The following SLC6A11 variants were observed in gnomAD, a reference collection of about 807,000 sequenced individuals.
The protein encoded by SLC6A11 is solute carrier family 6 member 11.
A neutral mutation model predicts 74.8 loss-of-function variants in SLC6A11; 25 were observed. The ratio of observed to expected loss-of-function variants is 0.33; its 90% CI spans 0.24 to 0.47. The LOEUF is 0.47. Among genes scored for constraint, SLC6A11 ranks in the 20% least tolerant of loss-of-function variants. The pLI is 1.00. For missense variants in SLC6A11, 574 were observed against 837.0 expected, an observed-to-expected ratio of 0.69 and a Z score of 3.88; for synonymous variants, 330 against 330.2, an observed-to-expected ratio of 1.00 and a Z score of 0.01.
intron 6 of SLC6A11, among the ~76,000 whole-genome samples, chr3:10,878,042 C>T (rs1290424087): frequency 6.6e-6 from 1 of 152,202 alleles, no homozygotes; most frequent in Non-Finnish European, 1.5e-5. Flanking sequence ...AACTGGTCAT[C>T]CAGAAATGGC....
chr3:10,938,554 G>A lies in SLC6A11; in HGVS notation c.*152G>A, dbSNP rs1695786200. 5.8e-6 allele frequency: 4 copies of A among 686,034 alleles called. No homozygotes were observed. Among genetic ancestry groups the A allele is most frequent in the South Asian group, 2.8e-5 (1 of 36,134 alleles). 42.5% of individuals were successfully genotyped at this position (686,034 alleles called of 1,614,324 possible). ...AATTTTAAGGTGGCCACTGTACACT[G>A]CTCTAAAGTCATATCCCCTCCCCGC... On this transcript the variant is annotated 3_prime_UTR_variant, in exon 14 of 14. Transcript: ENST00000254488.
chr3:10,855,651 A>C (rs971872275), intron 5 of SLC6A11, among the ~76,000 whole-genome samples: 1 of 152,078 alleles, frequency 6.6e-6, no homozygotes, highest in South Asian at 2.1e-4. Flanking sequence ...GCAGGTATCA[A>C]CTCTAAACAA....
intron 6 of SLC6A11, among the ~76,000 whole-genome samples, chr3:10,887,960 G>T (rs1695064649): frequency 6.6e-6 from 1 of 152,238 alleles, no homozygotes; most frequent in African/African-American, 2.4e-5. Flanking sequence ...CAAAGCCAGA[G>T]AGTTCAGATT....
At chr3:10,904,225 G>A (rs1695275561) in intron 6 of SLC6A11, among the ~76,000 whole-genome samples, 1 of 152,230 alleles carries the variant, frequency 6.6e-6, no homozygotes, top group Non-Finnish European at 1.5e-5. Context: ...CCCAGCAAAT[G>A]TCATCAAGGA....
intron 5 of SLC6A11, among the ~76,000 whole-genome samples, chr3:10,866,520 A>T (rs1025109297): frequency 6.6e-6 from 1 of 152,138 alleles, no homozygotes; most frequent in Non-Finnish European, 1.5e-5. Context: ...CAGCCCAGGG[A>T]TAGTGCCCTG....
intron 6 of SLC6A11, among the ~76,000 whole-genome samples, chr3:10,878,294 G>A (rs1407404360): frequency 7.3e-6 from 1 of 137,630 alleles, no homozygotes; most frequent in Non-Finnish European, 1.7e-5. Flanking sequence ...CAGTAGACAT[G>A]GCCTTTCTAC....
chr3:10,930,943 T>G (rs989477756), intron 10 of SLC6A11, among the ~76,000 whole-genome samples: 1 of 152,196 alleles, frequency 6.6e-6, no homozygotes, highest in African/African-American at 2.4e-5. Context: ...GAGGACTATC[T>G]GTCATCAGTT....
Position 10,847,628 on chromosome 3 carries a change from A to G in SLC6A11, c.756+3282A>G, listed in dbSNP as rs753366221. 3.3e-5 allele frequency among the ~76,000 whole-genome samples: 5 copies of G among 152,314 alleles called. No homozygotes were observed. In the South Asian group the frequency reaches 6.2e-4, roughly 19 times the overall value. On this transcript the variant is annotated intron_variant, in intron 5 of 13. Transcript: ENST00000254488. ...TCACATAATGAATAAATGTCAGGCC[A>G]GGAGTGAGAGCCTGGTCCCCAGTTT...
intron 7 of SLC6A11, among the ~76,000 whole-genome samples, chr3:10,917,104 A>G (rs1014777861): frequency 4.6e-5 from 7 of 152,188 alleles, no homozygotes. Context: ...TTTCAAGCAC[A>G]ATAAGGAATT....
intron 4 of SLC6A11, among the ~76,000 whole-genome samples, chr3:10,843,050 T>G (rs950249510): frequency 6.6e-6 from 1 of 151,738 alleles, no homozygotes; most frequent in Non-Finnish European, 1.5e-5. Flanking sequence ...CTGATGGGGG[T>G]TGGTTTGGCA....
chr3:10,911,437 G>A (rs1328975048), intron 6 of SLC6A11, among the ~76,000 whole-genome samples: 2 of 152,166 alleles, frequency 1.3e-5, no homozygotes. Context: ...GACTAGGAAA[G>A]TAGTTATCTT....
chr3:10,862,499 G>A (rs1390880871), intron 5 of SLC6A11, among the ~76,000 whole-genome samples: 1 of 152,206 alleles, frequency 6.6e-6, no homozygotes, highest in African/African-American at 2.4e-5. Context: ...ATTGGGCTCA[G>A]CCTTCTTAAT....
At chr3:10,928,355 G>T (rs1259716954) in intron 9 of SLC6A11, among the ~76,000 whole-genome samples, 4 of 152,076 alleles carry the variant, frequency 2.6e-5, no homozygotes, top group African/African-American at 9.7e-5. Flanking sequence ...AGGGTGAGGG[G>T]TGTGCTCAGG....
intron 6 of SLC6A11, among the ~76,000 whole-genome samples, chr3:10,905,502 G>C (rs1272517409): frequency 6.6e-6 from 1 of 152,228 alleles, no homozygotes; most frequent in Non-Finnish European, 1.5e-5. Flanking sequence ...ATCTTTGTGT[G>C]GGTGAGAAAT....
intron 5 of SLC6A11, among the ~76,000 whole-genome samples, chr3:10,846,594 C>T (rs143586664): frequency 3.3e-5 from 5 of 152,168 alleles, no homozygotes; most frequent in Non-Finnish European, 7.4e-5. Flanking sequence ...GCTGACTGGG[C>T]GATTAAGTCT....
At chr3:10,837,564 T>C (rs73113885) in intron 4 of SLC6A11, among the ~76,000 whole-genome samples, 3,508 of 152,270 alleles carry the variant, frequency 0.023, 118 homozygotes, top group African/African-American at 0.08. Flanking sequence ...ATAATAGCTG[T>C]CCTCACCTGA....
At chr3:10,826,667 A>AGG (rs1694213993) in intron 4 of SLC6A11, among the ~76,000 whole-genome samples, 1 of 152,208 alleles carries the variant, frequency 6.6e-6, no homozygotes, top group Non-Finnish European at 1.5e-5. Context: ...GTTAATATTT[A>AGG]TAAACTAGAT....
At chr3:10,824,550 G>A (rs558630262) in intron 4 of SLC6A11, 2 of 152,038 alleles carry the variant, frequency 1.3e-5, no homozygotes, top group African/African-American at 2.4e-5. Flanking sequence ...GGTCTTTCTT[G>A]CATATTTTTC....
chr3:10,910,634 C>G (rs1271838468), intron 6 of SLC6A11, among the ~76,000 whole-genome samples: 6 of 152,042 alleles, frequency 3.9e-5, no homozygotes, highest in African/African-American at 1.4e-4. Flanking sequence ...CCTTCTGAGG[C>G]TGATTCCACA....
Sources: allele counts gnomAD v4.1 joint callset (sites outside exome capture counted in the v4.1 genomes callset), GRCh38; gene constraint gnomAD v4.1.1; transcripts MANE v1.5; gene names NCBI Gene and HGNC (gene_info 2026-07-23, HGNC 2026-07-21).